NPTN: variants seen among roughly 807,000 people sequenced by gnomAD.
The protein encoded by NPTN is neuroplastin, also known as SDR-1.
In NPTN, 5 loss-of-function variants were observed where a neutral mutation model predicts 42.7. The ratio of observed to expected loss-of-function variants is 0.12; its 90% CI spans 0.06 to 0.25. The LOEUF is 0.25. NPTN is among the 10% of genes least tolerant of loss of function. The pLI is 1.00. For synonymous variants in NPTN, 180 were observed against 201.9 expected (o/e 0.89, Z 0.92); for missense variants, 307 against 525.4 (o/e 0.58, Z 4.06).
In NPTN at chr15:73,622,616, A is replaced by C. The variant is rs776137998; in HGVS notation, c.91+10509T>G. 6.3e-4 allele frequency among the ~76,000 whole-genome samples: 96 copies of C among 152,284 alleles called. 1 individual carries two copies. Among genetic ancestry groups the C allele is most frequent in the Middle Eastern group, 3.4e-3 (1 of 294 alleles). On this transcript the variant is annotated intron_variant, in intron 1 of 8. Transcript: ENST00000345330. ...AGATATAAGGTAGCTGAACTGAAGAAAACACATATAGAAATGTGAGGTTAT... is the reference window on the plus strand; with the variant it reads ...AGATATAAGGTAGCTGAACTGAAGACAACACATATAGAAATGTGAGGTTAT...
At chr15:73,583,799 G>A (rs759015446) in intron 4 of NPTN, among the ~76,000 whole-genome samples, 12 of 152,308 alleles carry the variant, frequency 7.9e-5, no homozygotes, top group Non-Finnish European at 1.5e-4. Context: ...TTTCCTGACT[G>A]TCAGTGAAGA....
intron 1 of NPTN, among the ~76,000 whole-genome samples, chr15:73,600,391 T>C (rs1197174460): frequency 3.9e-5 from 6 of 152,258 alleles, no homozygotes; most frequent in Admixed American, 3.9e-4. Context: ...ATTTTCTAAG[T>C]ATGCATTATA....
chr15:73,573,376 C>T lies in NPTN; in HGVS notation c.840+286G>A, dbSNP rs534277932. Among the ~76,000 whole-genome samples the T allele has an allele frequency of 2.6e-4, 39 of 152,238 alleles. No individual in the cohort carries two copies. The South Asian group carries it at 6.9e-3, about 27-fold the overall frequency. On this transcript the variant is annotated intron_variant, in intron 5 of 8. Transcript: ENST00000345330. ...TTAAACCTTTTTTCTTTATAAATTA[C>T]CCAGTCTCTGGAAGTTCTTTAGAGC... is the stretch of plus-strand genomic sequence containing the variant.
At chr15:73,603,208 T>C (rs1595943004) in intron 1 of NPTN, among the ~76,000 whole-genome samples, 1 of 152,206 alleles carries the variant, frequency 6.6e-6, no homozygotes, top group Admixed American at 6.5e-5. Flanking sequence ...TGAGATAACA[T>C]AGCTTAAAAC....
chr15:73,569,128 G>A lies in NPTN; in HGVS notation c.1114+1022C>T. On this transcript the variant is annotated intron_variant, in intron 6 of 8. Transcript: ENST00000345330. The surrounding 1 kb of genome is among the most constrained non-coding windows in gnomAD (Gnocchi z 4.1). ...CGGGTAGGCTACCACTGAGCCCAGG[G>A]GCACACCCATCTGTCTAGTCTAGCC... is the stretch of plus-strand genomic sequence containing the variant. 1 of 985,596 alleles carries A rather than the reference G, an allele frequency of 1.0e-6. No individual in the cohort carries two copies. Among genetic ancestry groups the A allele is most frequent in the African/African-American group, 1.7e-5 (1 of 57,360 alleles). The allele number at this position is 985,596 out of a possible 1,614,324, so 61.1% of individuals were successfully genotyped here.
intron 6 of NPTN, chr15:73,566,958 A>G: frequency 1.1e-6 from 1 of 921,974 alleles, no homozygotes; most frequent in South Asian, 5.0e-5. Flanking sequence ...CATGTAGGAA[A>G]TGGTCTGAGA....
chr15:73,566,579 T>C (rs367664742), intron 6 of NPTN, among the ~76,000 whole-genome samples: 1 of 152,194 alleles, frequency 6.6e-6, no homozygotes. Flanking sequence ...TCACTCCCCA[T>C]TCCTCCAGGG....
chr15:73,584,858 T>A (rs1896240582), intron 4 of NPTN, among the ~76,000 whole-genome samples: 2 of 151,768 alleles, frequency 1.3e-5, no homozygotes, highest in South Asian at 4.2e-4. Flanking sequence ...TCCTCCAAAT[T>A]CCTTTCTTGA....
intron 2 of NPTN, among the ~76,000 whole-genome samples, chr15:73,594,283 A>C (rs1441139383): frequency 6.6e-6 from 1 of 152,230 alleles, no homozygotes; most frequent in Non-Finnish European, 1.5e-5. Context: ...AAGGAGGCCA[A>C]AGTAAATGCT....
chr15:73,572,075 T>C (rs1895429787), intron 5 of NPTN, among the ~76,000 whole-genome samples: 1 of 152,232 alleles, frequency 6.6e-6, no homozygotes, highest in South Asian at 2.1e-4. Context: ...ATCCTCATCC[T>C]GCTCCTCGTT....
At chr15:73,608,827 CAA>C (rs1357128895) in intron 1 of NPTN, among the ~76,000 whole-genome samples, 6 of 152,116 alleles carry the variant, frequency 3.9e-5, no homozygotes, top group Admixed American at 3.9e-4. Flanking sequence ...AAGATAGAAT[CAA>C]ATGAACTTAT....
chr15:73,611,908 G>A (rs1883222376), intron 1 of NPTN, among the ~76,000 whole-genome samples: 1 of 152,116 alleles, frequency 6.6e-6, no homozygotes, highest in African/African-American at 2.4e-5. Context: ...ACCTAAAATT[G>A]CTCTAAAAAT....
In NPTN at chr15:73,570,466, G is replaced by A. The variant is rs759681722; in HGVS notation, c.841-43C>T. 6.3e-7 allele frequency: 1 copy of A among 1,575,258 alleles called. No homozygotes were observed. The highest frequency in any genetic ancestry group is 2.2e-5 in the East Asian group (1 of 44,456). On this transcript the variant is annotated intron_variant, in intron 5 of 8. Transcript: ENST00000345330. The surrounding 1 kb of genome is among the most constrained non-coding windows in gnomAD (Gnocchi z 4.0). Reference sequence around the variant, plus strand: ...TACACAAAGGTGAGAGTGAGTAACTGAGCTAATGTTCAAGAGAGGGTGACA... The same window carrying A: ...TACACAAAGGTGAGAGTGAGTAACTAAGCTAATGTTCAAGAGAGGGTGACA...
At chr15:73,578,301 G>A (rs1009245435) in intron 4 of NPTN, among the ~76,000 whole-genome samples, 5 of 152,096 alleles carry the variant, frequency 3.3e-5, no homozygotes, top group African/African-American at 1.2e-4. Context: ...AACAAGAACT[G>A]CAGAGACAGC....
chr15:73,565,822 G>T (rs188139298), intron 6 of NPTN: 2 of 456,082 alleles, frequency 4.4e-6, no homozygotes, highest in Non-Finnish European at 8.8e-6. Flanking sequence ...CTTCCCAACC[G>T]AATGGACCAC....
At chr15:73,576,956 A>G (rs560471440) in intron 4 of NPTN, among the ~76,000 whole-genome samples, 1 of 152,352 alleles carries the variant, frequency 6.6e-6, no homozygotes, top group East Asian at 1.9e-4. Flanking sequence ...TTACGCTTCA[A>G]AAGAAAAACT....
At chr15:73,577,234 C>G (rs116669879) in intron 4 of NPTN, among the ~76,000 whole-genome samples, 6 of 152,188 alleles carry the variant, frequency 3.9e-5, no homozygotes, top group African/African-American at 1.4e-4. Flanking sequence ...TACACTCAGA[C>G]AGTTACAAGG....
chr15:73,570,333 G>C lies in NPTN; in HGVS notation c.931C>G (p.Pro311Ala). 1 of 1,614,128 alleles carries C rather than the reference G, an allele frequency of 6.2e-7. No homozygotes were observed. Among genetic ancestry groups the C allele is most frequent in the South Asian group, 1.1e-5 (1 of 91,086 alleles). The change falls in exon 6 of 9, where the codon CCT (proline) becomes GCT (alanine). Residue 311 changes from proline to alanine, a missense_variant. Physicochemically the swap from Pro to Ala is conservative, Grantham distance 27. Around this residue, in one of 2 missense-constraint regions of NPTN, gnomAD observed 264 missense variants for 491.1 expected, o/e 0.54. Coordinates refer to ENST00000345330, the MANE Select transcript of NPTN (RefSeq NM_012428.4). This position sits in a 1 kb window ranked among gnomAD's most constrained non-coding sequence, Gnocchi z 4.0. Reference sequence around the variant, plus strand: ...GTGGCATTACATTCATACTCGCCAGGGTCTTCCGTGATCTGCAGGTTCACA... The same window carrying C: ...GTGGCATTACATTCATACTCGCCAGCGTCTTCCGTGATCTGCAGGTTCACA... The part of the protein sequence containing the change: ...NIVNLQITED[P>A]GEYECNATNA...
intron 1 of NPTN, among the ~76,000 whole-genome samples, chr15:73,629,875 C>T (rs1898642107): frequency 6.6e-6 from 1 of 151,960 alleles, no homozygotes; most frequent in Admixed American, 6.6e-5. Flanking sequence ...AAGTCTCTCC[C>T]AGAAACTCAA....
Sources: gnomAD v4.1 joint callset for allele counts (sites outside exome capture counted in the v4.1 genomes callset) on GRCh38, gnomAD v4.1.1 for gene constraint, gnomAD v4.1.1 regional missense constraint, Gnocchi (gnomAD v3.1) non-coding constraint, MANE v1.5 for transcripts, NCBI Gene and HGNC (gene_info 2026-07-23, HGNC 2026-07-21) for gene names.